The following SYN1 variants were observed in gnomAD, a reference collection of about 807,000 sequenced individuals.
SYN1 encodes the protein synapsin I, also known as synapsin-1.
SYN1 carries 8 observed loss-of-function variants against 44.6 expected under a neutral mutation model. The ratio of observed to expected loss-of-function variants is 0.18; its 90% CI spans 0.11 to 0.32. The LOEUF (loss-of-function observed/expected upper bound fraction) is 0.32. SYN1 is among the 10% of genes least tolerant of loss of function. The pLI is 1.00. For synonymous variants in SYN1, 275 were observed against 280.1 expected (o/e 0.98, Z 0.18); for missense variants, 451 against 639.4 (o/e 0.71, Z 3.18).
chrX:47,601,404 T>C (rs989106470), intron 5 of SYN1, among the ~76,000 whole-genome samples: 5 of 111,666 alleles, frequency 4.5e-5, no homozygotes, highest in African/African-American at 1.6e-4. Context: ...TAAAACTTCC[T>C]ACAAAGACAT....
In SYN1 at chrX:47,589,889, A is replaced by T. The variant is rs1284746250; in HGVS notation, c.775-12388T>A. On this transcript the variant is annotated intron_variant, in intron 5 of 12. Transcript: ENST00000295987. ...ACTATAACTTATAACTTTAGTAGTGATTATTTATAATATTGCAAACAATGT... is the reference window on the plus strand; with the variant it reads ...ACTATAACTTATAACTTTAGTAGTGTTTATTTATAATATTGCAAACAATGT... 3.6e-5 allele frequency: 4 copies of T among 111,805 alleles called. No homozygotes were observed. In the East Asian group the frequency reaches 1.1e-3, roughly 31 times the overall value. The allele number at this position is 111,805 out of a possible 1,213,427, so 9.2% of individuals were successfully genotyped here. A position where few individuals can be genotyped will look rare whatever the true frequency, so the allele number is the denominator to read the frequency against.
intron 5 of SYN1, among the ~76,000 whole-genome samples, chrX:47,583,168 C>T (rs1174530657): frequency 8.0e-5 from 8 of 100,505 alleles, no homozygotes; most frequent in Non-Finnish European, 1.6e-4. Context: ...GTGCCACAAC[C>T]CCATAACCCC....
rs745442593 is a variant in SYN1, at chrX:47,607,116, C to T, written c.435+25G>A. 5.8e-6 allele frequency: 7 copies of T among 1,208,992 alleles called. No individual in the cohort carries two copies. The Middle Eastern group carries it at 9.2e-4, about 159-fold the overall frequency. On this transcript the variant is annotated intron_variant, in intron 2 of 12. Coordinates refer to ENST00000295987, the MANE Select transcript of SYN1 (RefSeq NM_006950.3). Reference sequence around the variant, plus strand: ...CAGTTTGCAGTATGGACAACTGACCCCCAGGTCCAAATGTCCCAACTTACC... The same window carrying T: ...CAGTTTGCAGTATGGACAACTGACCTCCAGGTCCAAATGTCCCAACTTACC...
At chrX:47,580,163 G>A (rs1222002883) in intron 5 of SYN1, among the ~76,000 whole-genome samples, 3 of 105,290 alleles carry the variant, frequency 2.8e-5, no homozygotes. Context: ...GATAATGTCT[G>A]TAAAAAGACT....
Position 47,602,280 on chromosome X carries a change from G to A in SYN1, c.774+2698C>T, listed in dbSNP as rs1403457022. On this transcript the variant is annotated intron_variant, in intron 5 of 12. Coordinates refer to ENST00000295987, the MANE Select transcript of SYN1 (RefSeq NM_006950.3). ...CTTATACAGAAATTCTGGCTACAGA[G>A]TCCATGCTCTTAATCACATTCTGCT... is the stretch of plus-strand genomic sequence containing the variant. 3.3e-4 allele frequency among the ~76,000 whole-genome samples: 37 copies of A among 112,026 alleles called. No individual in the cohort carries two copies. The Admixed American group carries it at 3.4e-3, about 10-fold the overall frequency.
At chrX:47,583,144 C>T (rs1569325040) in intron 5 of SYN1, among the ~76,000 whole-genome samples, 1 of 99,457 alleles carries the variant, frequency 1.0e-5, no homozygotes, top group Non-Finnish European at 2.0e-5. Flanking sequence ...TTCCTCAGCC[C>T]CCTTCTCCCC....
chrX:47,589,545 G>A (rs59856900), intron 5 of SYN1, among the ~76,000 whole-genome samples: 8,467 of 100,517 alleles, frequency 0.084, 995 homozygotes, highest in African/African-American at 0.29. Context: ...GCAGTGAGCT[G>A]AGATCAAGCC....
intron 1 of SYN1, among the ~76,000 whole-genome samples, chrX:47,616,197 G>C (rs1387633781): frequency 9.0e-6 from 1 of 110,942 alleles, no homozygotes; most frequent in Non-Finnish European, 1.9e-5. Context: ...CATAGGCTCT[G>C]TCCCTTTGTC....
intron 5 of SYN1, among the ~76,000 whole-genome samples, chrX:47,578,263 G>A (rs1483968043): frequency 2.7e-5 from 3 of 110,247 alleles, no homozygotes; most frequent in East Asian, 2.8e-4. Flanking sequence ...AAGATTACCC[G>A]TCCAATCAAG....
chrX:47,597,940 CT>C (rs1382336419), intron 5 of SYN1, among the ~76,000 whole-genome samples: 1 of 112,315 alleles, frequency 8.9e-6, no homozygotes, highest in African/African-American at 3.2e-5. Flanking sequence ...GCAAAATTAT[CT>C]TTCAAAAATG....
At chrX:47,581,648 T>C (rs367966312) in intron 5 of SYN1, among the ~76,000 whole-genome samples, 3 of 112,271 alleles carry the variant, frequency 2.7e-5, no homozygotes, top group African/African-American at 9.7e-5. Flanking sequence ...ACAGTTCCTC[T>C]ACGCCCCATA....
chrX:47,575,914 A>G (rs2057776113), intron 9 of SYN1, among the ~76,000 whole-genome samples: 1 of 112,064 alleles, frequency 8.9e-6, no homozygotes. Context: ...TAAACAATCT[A>G]ATAAGGGTTT....
intron 1 of SYN1, among the ~76,000 whole-genome samples, chrX:47,612,365 G>A (rs1034342144): frequency 5.4e-5 from 6 of 110,391 alleles, no homozygotes; most frequent in Admixed American, 1.9e-4. Flanking sequence ...AATAAAGTCA[G>A]GTGGGCCCAG....
intron 12 of SYN1, among the ~76,000 whole-genome samples, chrX:47,573,771 T>G (rs1274969327): frequency 1.8e-5 from 2 of 109,805 alleles, no homozygotes. Context: ...TCGAACTGAG[T>G]GCAGTTTCTC....
At chrX:47,593,015 C>G (rs1448823446) in intron 5 of SYN1, among the ~76,000 whole-genome samples, 1 of 109,860 alleles carries the variant, frequency 9.1e-6, no homozygotes, top group Non-Finnish European at 1.9e-5. Context: ...GCTGGGACTA[C>G]AAGGGTGCAC....
Position 47,619,573 on chromosome X carries a change from C to G in SYN1, c.156G>C (p.Glu52Asp), listed in dbSNP as rs776532256. The change falls in exon 1 of 13, where the codon GAG becomes GAC. Residue 52 changes from glutamate (E) to aspartate (D), a missense_variant. Transcript: ENST00000295987. ...ATPGPGTATA[E>D]RSSGVAPAAS... is the part of the protein sequence containing the mutation. ...CCGCTGGGGCGACCCCGGAGGACCTCTCGGCAGTGGCGGTCCCGGGACCGG... is the reference window on the plus strand; with the variant it reads ...CCGCTGGGGCGACCCCGGAGGACCTGTCGGCAGTGGCGGTCCCGGGACCGG... 8.5e-7 allele frequency: 1 copy of G among 1,170,647 alleles called. No individual in the cohort carries two copies. The highest frequency in any genetic ancestry group is 3.2e-5 in the East Asian group (1 of 31,598).
intron 5 of SYN1, among the ~76,000 whole-genome samples, chrX:47,602,242 T>G (rs2147926415): frequency 8.9e-6 from 1 of 112,319 alleles, no homozygotes; most frequent in Admixed American, 9.5e-5. Flanking sequence ...TAATAAGTTG[T>G]GGAGGTAAGA....
Position 47,619,612 on chromosome X carries a change from G to A in SYN1, c.117C>T (p.Ser39=), listed in dbSNP as rs765384984. 12 of 1,161,234 alleles carry A rather than the reference G, an allele frequency of 1.0e-5. No homozygotes were observed. In the South Asian group the frequency reaches 1.9e-4, roughly 18 times the overall value. Residue 39 remains serine, a synonymous_variant, in exon 1 of 13, where the codon AGC becomes AGT. Transcript: ENST00000295987. ...TCCCGGGACCGGGCGTGGCTCCGGG[G>A]CTGTGGGCACCGGGCGGCGGTGGGG... ...QPPPPPPGAH[S]PGATPGPGTA...
intron 3 of SYN1, among the ~76,000 whole-genome samples, chrX:47,606,728 G>C (rs1353749095): frequency 9.8e-6 from 1 of 101,680 alleles, no homozygotes; most frequent in African/African-American, 3.9e-5. Flanking sequence ...GACCCTGTCT[G>C]AAATATATAT....
Sources: gnomAD v4.1 joint callset for allele counts (sites outside exome capture counted in the v4.1 genomes callset) on GRCh38, gnomAD v4.1.1 for gene constraint, MANE v1.5 for transcripts, NCBI Gene and HGNC (gene_info 2026-07-23, HGNC 2026-07-21) for gene names.